CACNA1H: variants seen among roughly 807,000 people sequenced by gnomAD.
CACNA1H encodes voltage-dependent T-type calcium channel subunit alpha-1H.
In CACNA1H, 149 loss-of-function variants were observed where a neutral mutation model predicts 192.5. That is an observed-to-expected ratio of 0.77 (90% CI 0.68 to 0.89). The LOEUF (loss-of-function observed/expected upper bound fraction) is 0.89. Ranked by LOEUF, CACNA1H falls within the 40% of genes least tolerant of loss-of-function variation. CACNA1H has a pLI of 0.00. For missense variants in CACNA1H, 4,257 were observed against 3,423.5 expected (o/e 1.24, Z -6.08); for synonymous variants, 2,202 against 1,475.2 (o/e 1.49, Z -11.29).
At chr16:1,213,384 A>AG (rs978475089) in intron 26 of CACNA1H, among the ~76,000 whole-genome samples, 2 of 151,928 alleles carry the variant, frequency 1.3e-5, no homozygotes, top group South Asian at 2.1e-4. Flanking sequence ...TGGGAGCTCC[A>AG]GGGGGGCGGG....
In CACNA1H at chr16:1,199,488, G is replaced by T. The variant is rs1382431155; in HGVS notation, c.803+714G>T. Among the ~76,000 whole-genome samples, 2 of 118,370 alleles carry T rather than the reference G, an allele frequency of 1.7e-5. 1 individual carries two copies. Among genetic ancestry groups the T allele is most frequent in the Non-Finnish European group, 3.8e-5 (2 of 52,756 alleles). 77.7% of individuals were successfully genotyped at this position (118,370 alleles called of 152,430 possible). On this transcript the variant is annotated intron_variant, in intron 6 of 34. Coordinates refer to ENST00000348261, the MANE Select transcript of CACNA1H (RefSeq NM_021098.3). ...CCCCCATCATGGCTCCACCCACCGT[G>T]CGGTCATTGCACATATGTCCCACCC...
rs1045304514 is a variant in CACNA1H, at chr16:1,180,075, C to A, written c.300-14897C>A. ...ATATACATCTGGTTGCCGGGTGATACTGAGGGGGCCGGGCTCTGCAGGCAC... is the reference window on the plus strand; with the variant it reads ...ATATACATCTGGTTGCCGGGTGATAATGAGGGGGCCGGGCTCTGCAGGCAC... On this transcript the variant is annotated intron_variant, in intron 2 of 34. Transcript: ENST00000348261. The surrounding 1 kb of genome is among the most constrained non-coding windows in gnomAD (Gnocchi z 4.4). Among the ~76,000 whole-genome samples, 2 of 152,152 alleles carry A rather than the reference C, an allele frequency of 1.3e-5. No individual in the cohort carries two copies. The highest frequency in any genetic ancestry group is 2.9e-5 in the Non-Finnish European group (2 of 68,034).
In CACNA1H at chr16:1,197,264, C is replaced by T. The variant is rs548299836; in HGVS notation, c.643+1241C>T. Among the ~76,000 whole-genome samples the T allele has an allele frequency of 2.6e-5, 4 of 152,346 alleles. No individual in the cohort carries two copies. In the East Asian group the frequency reaches 7.7e-4, roughly 29 times the overall value. On this transcript the variant is annotated intron_variant, in intron 5 of 34. Coordinates refer to ENST00000348261, the MANE Select transcript of CACNA1H (RefSeq NM_021098.3). The stretch of plus-strand genomic sequence containing the variant: ...GTGCAGTACAGGAGTAACCATGACC[C>T]CAAGGGTGGCTGAGCGTGCGGTGAG...
rs1313646500 is a variant in CACNA1H, at chr16:1,185,680, GTA to G, written c.300-9291_300-9290del. Among the ~76,000 whole-genome samples the G allele has an allele frequency of 1.7e-3, 226 of 132,914 alleles. 7 individuals carry two copies. Among genetic ancestry groups the G allele is most frequent in the South Asian group, 2.5e-3 (10 of 3,962 alleles). 87.2% of individuals were successfully genotyped at this position (132,914 alleles called of 152,430 possible). A position where few individuals can be genotyped will look rare whatever the true frequency, so the allele number is the denominator to read the frequency against. ...TGCATAGGGGCCGGAGGCGGGGTGT[GTA>G]CGGGGCGGGTGAGTAGACGGTCGGC... On this transcript the variant is annotated intron_variant, in intron 2 of 34. Coordinates refer to ENST00000348261, the MANE Select transcript of CACNA1H (RefSeq NM_021098.3).
At chr16:1,203,288 A>T (rs763546716) in intron 9 of CACNA1H, among the ~76,000 whole-genome samples, 2 of 152,150 alleles carry the variant, frequency 1.3e-5, no homozygotes, top group Non-Finnish European at 2.9e-5. Flanking sequence ...GGTCATTTTC[A>T]TGTCAGTTTC....
Position 1,167,329 on chromosome 16 carries a change from CG to C in CACNA1H, c.299+13298del, listed in dbSNP as rs1241716367. On this transcript the variant is annotated intron_variant, in intron 2 of 34. Coordinates refer to ENST00000348261, the MANE Select transcript of CACNA1H (RefSeq NM_021098.3). The surrounding 1 kb of genome is among the most constrained non-coding windows in gnomAD (Gnocchi z 4.2). ...ACCTTGGATTCCTGACACACGGGTG[CG>C]GGGGCGATATCGGCGCGGAGCGGGC... Among the ~76,000 whole-genome samples, 2 of 151,962 alleles carry C rather than the reference CG, an allele frequency of 1.3e-5. No homozygotes were observed. The highest frequency in any genetic ancestry group is 2.9e-5 in the Non-Finnish European group (2 of 68,008).
chr16:1,207,193 C>A, intron 13 of CACNA1H, 75 bp downstream of exon 13: 1 of 1,549,852 alleles, frequency 6.5e-7, no homozygotes, highest in South Asian at 1.2e-5. Context: ...CCGTCCTGCG[C>A]ATCCATAGCT....
chr16:1,219,011 G>A lies in CACNA1H; in HGVS notation c.5929G>A (p.Ala1977Thr). The A allele has an allele frequency of 6.5e-7, 1 of 1,550,300 alleles. No individual in the cohort carries two copies. Among genetic ancestry groups the A allele is most frequent in the Non-Finnish European group, 8.7e-7 (1 of 1,146,888 alleles). Residue 1977 changes from alanine to threonine, a missense_variant, in exon 34 of 35, where the codon GCC (alanine) becomes ACC (threonine). Coordinates refer to ENST00000348261, the MANE Select transcript of CACNA1H (RefSeq NM_021098.3). ...GCACTCTCCGCCCGCAGAGTCCTGT[G>A]CCTCCCTCCAGATCCCATTGGCTGT... is the stretch of plus-strand genomic sequence containing the variant. ...SVHSPPAESCASLQIPLAVSS... is the reference protein window; with the variant it reads ...SVHSPPAESCTSLQIPLAVSS...
intron 2 of CACNA1H, among the ~76,000 whole-genome samples, chr16:1,156,143 AC>A (rs999446784): frequency 6.7e-6 from 1 of 150,228 alleles, no homozygotes; most frequent in Non-Finnish European, 1.5e-5. Context: ...GCACGGCAGG[AC>A]CCCCCACCCT....
chr16:1,185,614 G>A (rs1158245540), intron 2 of CACNA1H, among the ~76,000 whole-genome samples: 1 of 148,140 alleles, frequency 6.8e-6, no homozygotes, highest in Non-Finnish European at 1.5e-5. Flanking sequence ...GTAGGGGCCG[G>A]AGGCGGGGTA....
intron 2 of CACNA1H, among the ~76,000 whole-genome samples, chr16:1,181,394 GC>G (rs1201135897): frequency 6.6e-6 from 1 of 152,240 alleles, no homozygotes; most frequent in African/African-American, 2.4e-5. Context: ...CTGAGCCAGC[GC>G]TTTGACGCCC....
intron 34 of CACNA1H, 88 bp downstream of exon 34, chr16:1,219,218 G>A (rs141434803): frequency 5.3e-5 from 70 of 1,316,022 alleles, no homozygotes; most frequent in Middle Eastern, 4.4e-4. Flanking sequence ...ACCAGCAGAC[G>A]AGGACAAGGC....
Position 1,206,205 on chromosome 16 carries a change from G to A in CACNA1H, c.2705G>A (p.Arg902Gln), listed in dbSNP as rs748252386. 64 of 1,594,158 alleles carry A rather than the reference G, an allele frequency of 4.0e-5. No homozygotes were observed. Among genetic ancestry groups the A allele is most frequent in the East Asian group, 3.4e-4 (15 of 43,968 alleles). ...CTGGTGCGCTTTCTGCCAGCCCTGCGGCGCCAGCTCGTGGTGCTGGTGAAG... is the reference window on the plus strand; with the variant it reads ...CTGGTGCGCTTTCTGCCAGCCCTGCAGCGCCAGCTCGTGGTGCTGGTGAAG... Reference protein sequence around the residue: ...LKLVRFLPALRRQLVVLVKTM... With the variant: ...LKLVRFLPALQRQLVVLVKTM... Residue 902 changes from arginine (R) to glutamine (Q), a missense_variant, in exon 12 of 35, where the codon CGG (arginine) becomes CAG (glutamine). Transcript: ENST00000348261.
rs2151599684 is a variant in CACNA1H at position 1,153,196 on chromosome 16, C to G, written c.-293C>G. ...GGCCCGCGCCCCGCGCCCCGCGCCC[C>G]GCGCCCCGGCCTCACCCGTCCGCTC... On this transcript the variant is annotated 5_prime_UTR_variant, in exon 1 of 35. Transcript: ENST00000348261. 6.9e-6 allele frequency: 1 copy of G among 145,540 alleles called. No homozygotes were observed. Among genetic ancestry groups the G allele is most frequent in the Middle Eastern group, 3.8e-3 (1 of 266 alleles). The allele number at this position is 145,540 out of a possible 1,614,324, so 9.0% of individuals were successfully genotyped here.
chr16:1,210,044 C>T lies in CACNA1H; in HGVS notation c.3754C>T (p.Leu1252Phe). The change falls in exon 18 of 35, where the codon CTC becomes TTC. Residue 1252 changes from leucine (L) to phenylalanine (F), a missense_variant. By Grantham distance (22) the Leu-to-Phe change is conservative. Coordinates refer to ENST00000348261, the MANE Select transcript of CACNA1H (RefSeq NM_021098.3). ...LDDDSEDSCC[L>F]RLHKVLEPYK... is the part of the protein sequence containing the mutation. Reference sequence around the variant, plus strand: ...CCGCCTCATCCCACAGAGCTGCTGCCTCCGCCTGCATAAAGTGCTGGAGCC... The same window carrying T: ...CCGCCTCATCCCACAGAGCTGCTGCTTCCGCCTGCATAAAGTGCTGGAGCC... 3 of 1,550,690 alleles carry T rather than the reference C, an allele frequency of 1.9e-6. No individual in the cohort carries two copies. Among genetic ancestry groups the T allele is most frequent in the Non-Finnish European group, 2.6e-6 (3 of 1,147,592 alleles).
intron 2 of CACNA1H, among the ~76,000 whole-genome samples, chr16:1,161,138 C>T (rs777752233): frequency 6.6e-6 from 1 of 152,232 alleles, no homozygotes; most frequent in Admixed American, 6.5e-5. Flanking sequence ...AGCGAGACCT[C>T]AGCGTCTGCT....
At chr16:1,192,146 C>G (rs1966680062) in intron 2 of CACNA1H, among the ~76,000 whole-genome samples, 1 of 152,220 alleles carries the variant, frequency 6.6e-6, no homozygotes, top group Admixed American at 6.5e-5. Context: ...ACCCCATCCC[C>G]CACTAAACCA....
intron 2 of CACNA1H, among the ~76,000 whole-genome samples, chr16:1,174,140 A>G (rs560588828): frequency 3.3e-5 from 5 of 152,232 alleles, no homozygotes; most frequent in Admixed American, 3.3e-4. Context: ...GTGGCCCCTC[A>G]GATGAGGGGA....
chr16:1,184,896 AT>A (rs60049133), intron 2 of CACNA1H, among the ~76,000 whole-genome samples: 59,724 of 151,080 alleles, frequency 0.4, 13,558 homozygotes, highest in East Asian at 0.62. Context: ...GGGATTAGCC[AT>A]TTTTTTTTTA....
Sources: gnomAD v4.1 joint callset for allele counts (sites outside exome capture counted in the v4.1 genomes callset) on GRCh38, gnomAD v4.1.1 for gene constraint, Gnocchi (gnomAD v3.1) non-coding constraint, MANE v1.5 for transcripts, NCBI Gene and HGNC (gene_info 2026-07-23, HGNC 2026-07-21) for gene names.